BAZ1A: variants seen among roughly 807,000 people sequenced by gnomAD.
BAZ1A encodes the protein bromodomain adjacent to zinc finger domain protein 1A.
BAZ1A carries 50 observed loss-of-function variants against 185.2 expected under a neutral mutation model. The ratio of observed to expected loss-of-function variants is 0.27; its 90% CI spans 0.22 to 0.34. BAZ1A has a LOEUF of 0.34. BAZ1A is among the 10% of genes least tolerant of loss of function. The probability of loss-of-function intolerance (pLI) is 1.00; values close to 1 mark genes in which losing one functional copy is unlikely to be tolerated. For synonymous variants in BAZ1A, 571 were observed against 615.6 expected (o/e 0.93, Z 1.07); for missense variants, 1,356 against 1,839.9 (o/e 0.74, Z 4.81).
At chr14:34,855,560 A>G (rs2138801757) in intron 3 of BAZ1A, among the ~76,000 whole-genome samples, 1 of 152,232 alleles carries the variant, frequency 6.6e-6, no homozygotes, top group East Asian at 1.9e-4. Context: ...TGTTTATTGT[A>G]TTTTTATTCT....
chr14:34,859,889 T>C (rs1292596837), intron 3 of BAZ1A, among the ~76,000 whole-genome samples: 1 of 152,168 alleles, frequency 6.6e-6, no homozygotes, highest in African/African-American at 2.4e-5. Context: ...GGGGAGTCTC[T>C]AGTCTCAAGT....
intron 12 of BAZ1A, among the ~76,000 whole-genome samples, chr14:34,792,122 G>A (rs1032182796): frequency 6.6e-6 from 1 of 152,150 alleles, no homozygotes; most frequent in Admixed American, 6.6e-5. Context: ...AGTGGTTCAC[G>A]CCTGTAATCC....
At chr14:34,854,224 C>G (rs930769636) in intron 3 of BAZ1A, among the ~76,000 whole-genome samples, 3 of 151,930 alleles carry the variant, frequency 2.0e-5, no homozygotes, top group African/African-American at 7.3e-5. Flanking sequence ...GTCAGGAGTT[C>G]GAGACCAGCC....
intron 4 of BAZ1A, among the ~76,000 whole-genome samples, chr14:34,821,491 T>G (rs2042088436): frequency 6.6e-6 from 1 of 152,222 alleles, no homozygotes; most frequent in Admixed American, 6.5e-5. Flanking sequence ...GGAAGTCAAT[T>G]TATTACTCAA....
chr14:34,823,410 A>C (rs181293885), intron 4 of BAZ1A, among the ~76,000 whole-genome samples: 1 of 152,106 alleles, frequency 6.6e-6, no homozygotes, highest in East Asian at 1.9e-4. Flanking sequence ...CTGTAATCCC[A>C]GCACTTTGGG....
chr14:34,761,678 G>A (rs1002392072), intron 24 of BAZ1A, 79 bp downstream of exon 24: 9 of 1,279,168 alleles, frequency 7.0e-6, no homozygotes, highest in Non-Finnish European at 4.4e-6. Flanking sequence ...TTTAAAAAAT[G>A]ATCCAAAGTA....
intron 3 of BAZ1A, among the ~76,000 whole-genome samples, chr14:34,854,385 G>GCA (rs1435725363): frequency 1.3e-5 from 2 of 152,156 alleles, no homozygotes; most frequent in Admixed American, 6.5e-5. Context: ...TCACGCTACT[G>GCA]CACTCCAGCC....
chr14:34,758,878 A>G, intron 24 of BAZ1A, 32 bp from the exon 25 acceptor site: 3 of 1,605,930 alleles, frequency 1.9e-6, no homozygotes, highest in East Asian at 2.2e-5. Flanking sequence ...TTTAGGTGAT[A>G]ACAAAGCAAA....
intron 3 of BAZ1A, among the ~76,000 whole-genome samples, chr14:34,851,521 T>A (rs1270198783): frequency 6.6e-6 from 1 of 152,098 alleles, no homozygotes; most frequent in Non-Finnish European, 1.5e-5. Context: ...GTTGTATGAT[T>A]TCCACATCTT....
chr14:34,862,767 T>C (rs2042789126), intron 2 of BAZ1A, among the ~76,000 whole-genome samples: 1 of 144,606 alleles, frequency 6.9e-6, no homozygotes, highest in Admixed American at 7.1e-5. Context: ...AACTATATGA[T>C]GATCTCATTT....
At position 34,763,373 on chromosome 14, in the gene BAZ1A, T is replaced by G. The variant is rs112043547; in HGVS notation, c.3777-1150A>C. On this transcript the variant is annotated intron_variant, in intron 23 of 26. Coordinates refer to ENST00000360310, the MANE Select transcript of BAZ1A (RefSeq NM_013448.3). Reference sequence around the variant, plus strand: ...GCACTTTTGCAGTTCTAGGTTGCCTTGCTTCATACTCATTTTCCTGCTTCC... The same window carrying G: ...GCACTTTTGCAGTTCTAGGTTGCCTGGCTTCATACTCATTTTCCTGCTTCC... Among the ~76,000 whole-genome samples the G allele has an allele frequency of 7.2e-3, 1,097 of 151,580 alleles. 14 individuals carry two copies. Among genetic ancestry groups the G allele is most frequent in the African/African-American group, 0.025 (1,031 of 41,294 alleles).
At chr14:34,858,906 A>C (rs987070066) in intron 3 of BAZ1A, among the ~76,000 whole-genome samples, 2 of 152,176 alleles carry the variant, frequency 1.3e-5, no homozygotes, top group Non-Finnish European at 2.9e-5. Context: ...GACAAAGAGA[A>C]GAGTAATGCA....
chr14:34,787,363 A>AAAAAAAAAGAGAAG (rs775338809), intron 12 of BAZ1A, among the ~76,000 whole-genome samples: 1 of 112,798 alleles, frequency 8.9e-6, no homozygotes, highest in Non-Finnish European at 1.8e-5. Context: ...AAAAAAAAAA[A>AAAAAAAAAGAGAAG]AAAAAGAAAA....
chr14:34,857,075 C>T (rs1460920439), intron 3 of BAZ1A, among the ~76,000 whole-genome samples: 18 of 148,052 alleles, frequency 1.2e-4, no homozygotes, highest in Non-Finnish European at 7.4e-5. Flanking sequence ...GGCGCAATCT[C>T]GGCTCACTGC....
intron 4 of BAZ1A, among the ~76,000 whole-genome samples, chr14:34,825,071 T>C (rs2042146279): frequency 6.6e-6 from 1 of 152,200 alleles, no homozygotes; most frequent in Non-Finnish European, 1.5e-5. Context: ...AGACCATCAA[T>C]TGTCTGAATT....
intron 20 of BAZ1A, among the ~76,000 whole-genome samples, chr14:34,772,832 G>A (rs1879313559): frequency 1.3e-5 from 2 of 152,084 alleles, no homozygotes; most frequent in Non-Finnish European, 2.9e-5. Context: ...GATCAAGATC[G>A]TCCTGGCCAA....
Position 34,785,849 on chromosome 14 carries a change from T to A in BAZ1A, c.1759A>T (p.Met587Leu). 4 of 1,614,108 alleles carry A rather than the reference T, an allele frequency of 2.5e-6. No individual in the cohort carries two copies. Among genetic ancestry groups the A allele is most frequent in the Non-Finnish European group, 3.4e-6 (4 of 1,180,026 alleles). ...GGFDATDDAC[M>L]ELRLSNPSLV... ...CTGGGATTGCTCAAACGAAGCTCCA[T>A]ACAAGCATCATCTGTAGCATCAAAT... Residue 587 changes from methionine to leucine, a missense_variant, in exon 14 of 27, where the codon ATG becomes TTG. Around this residue, in one of 7 missense-constraint regions of BAZ1A, gnomAD observed 184 missense variants for 355.1 expected, o/e 0.52. Transcript: ENST00000360310.
At chr14:34,800,103 T>C in intron 9 of BAZ1A, 121 bp downstream of exon 9, 1 of 1,016,246 alleles carries the variant, frequency 9.8e-7, no homozygotes, top group Non-Finnish European at 1.3e-6. Context: ...ATCAACTTTC[T>C]ATGCACATTC....
At chr14:34,817,694 A>ATT (rs1233777051) in intron 4 of BAZ1A, among the ~76,000 whole-genome samples, 1 of 152,224 alleles carries the variant, frequency 6.6e-6, no homozygotes, top group Non-Finnish European at 1.5e-5. Flanking sequence ...TTGAATGGGT[A>ATT]TTTCTGCAAA....
Sources: gnomAD v4.1 joint callset for allele counts (sites outside exome capture counted in the v4.1 genomes callset) on GRCh38, gnomAD v4.1.1 for gene constraint, gnomAD v4.1.1 regional missense constraint, MANE v1.5 for transcripts, NCBI Gene and HGNC (gene_info 2026-07-23, HGNC 2026-07-21) for gene names.